The following CEP170 variants were observed in gnomAD, a reference collection of about 807,000 sequenced individuals.
The protein encoded by CEP170 is centrosomal protein 170.
In CEP170, 21 loss-of-function variants were observed where a neutral mutation model predicts 151.9. The ratio of observed to expected loss-of-function variants is 0.14; its 90% CI spans 0.10 to 0.20. The LOEUF is 0.20. Among genes scored for constraint, CEP170 ranks in the 10% least tolerant of loss-of-function variants. CEP170 has a pLI of 1.00. For synonymous variants in CEP170, 356 were observed against 648.8 expected (o/e 0.55, Z 6.86); for missense variants, 964 against 1,892.9 (o/e 0.51, Z 9.11).
intron 17 of CEP170, chr1:243,135,774 C>T (rs2148242756): frequency 6.4e-6 from 1 of 157,268 alleles, no homozygotes; most frequent in East Asian, 1.9e-4. Flanking sequence ...TCTTGGTACT[C>T]ATCAAATGCT....
At chr1:243,189,777 A>G (rs2060189775) in intron 8 of CEP170, among the ~76,000 whole-genome samples, 1 of 152,178 alleles carries the variant, frequency 6.6e-6, no homozygotes, top group Middle Eastern at 3.4e-3. Flanking sequence ...TAGGAGATCA[A>G]TATTATTTAT....
intron 12 of CEP170, chr1:243,166,650 C>T (rs1007153830): frequency 6.6e-6 from 1 of 151,524 alleles, no homozygotes; most frequent in Admixed American, 6.6e-5. Flanking sequence ...TTTCAAGCTG[C>T]ACAAATAAGC....
chr1:243,254,999 G>C (rs996376440), intron 1 of CEP170, 41 bp downstream of exon 1: 17 of 152,320 alleles, frequency 1.1e-4, no homozygotes, highest in Admixed American at 9.1e-4. Flanking sequence ...CGGTGGCTGC[G>C]GCTGCGGCGC....
chr1:243,196,686 T>C (rs372383147), intron 7 of CEP170, among the ~76,000 whole-genome samples: 13 of 152,258 alleles, frequency 8.5e-5, no homozygotes, highest in Admixed American at 2.6e-4. Context: ...AATCACCTAA[T>C]TGGTAAATCT....
chr1:243,166,977 A>G (rs1007121140), intron 12 of CEP170, among the ~76,000 whole-genome samples: 8 of 152,112 alleles, frequency 5.3e-5, no homozygotes, highest in African/African-American at 1.9e-4. Context: ...ATCTGATCTT[A>G]AACCTAAATA....
At chr1:243,227,222 T>C (rs2063369869) in intron 1 of CEP170, among the ~76,000 whole-genome samples, 1 of 151,920 alleles carries the variant, frequency 6.6e-6, no homozygotes, top group African/African-American at 2.4e-5. Flanking sequence ...TCAAGTTTTC[T>C]AAAATTCTAA....
chr1:243,192,164 A>G (rs1225763141), intron 7 of CEP170, among the ~76,000 whole-genome samples: 1 of 152,192 alleles, frequency 6.6e-6, no homozygotes, highest in East Asian at 1.9e-4. Context: ...AGCAGTGTGA[A>G]CGAAATAAGG....
At chr1:243,162,494 T>C (rs2148517495) in intron 13 of CEP170, among the ~76,000 whole-genome samples, 1 of 152,346 alleles carries the variant, frequency 6.6e-6, no homozygotes, top group Middle Eastern at 3.4e-3. Flanking sequence ...GGGAATTTCA[T>C]ACACAATTCA....
intron 7 of CEP170, among the ~76,000 whole-genome samples, chr1:243,197,729 ATGC>A (rs1316447632): frequency 6.6e-6 from 1 of 152,052 alleles, no homozygotes; most frequent in East Asian, 1.9e-4. Context: ...CATTGTTGAG[ATGC>A]TGAAGTAAAC....
Position 243,165,156 on chromosome 1 carries a change from A to G in CEP170, c.2804T>C (p.Val935Ala). ...CAGACTGATTGTACTAGCTGTATCT[A>G]CATCAGATTCTGGTGAAATAGAATT... is the stretch of plus-strand genomic sequence containing the variant. ...RDNSISPESD[V>A]DTASTISLVT... Residue 935 changes from valine to alanine, a missense_variant, in exon 13 of 20, where the codon GTA (valine) becomes GCA (alanine). Transcript: ENST00000366542. 6.2e-7 allele frequency: 1 copy of G among 1,613,630 alleles called. No individual in the cohort carries two copies. The highest frequency in any genetic ancestry group is 8.5e-7 in the Non-Finnish European group (1 of 1,179,678).
intron 14 of CEP170, among the ~76,000 whole-genome samples, chr1:243,145,420 G>C (rs555153454): frequency 1.3e-5 from 2 of 152,132 alleles, no homozygotes; most frequent in Non-Finnish European, 2.9e-5. Flanking sequence ...GATTACAGGC[G>C]TGCACCACCA....
At position 243,156,391 on chromosome 1, in the gene CEP170, T is replaced by C; in HGVS notation, c.3741A>G (p.Ser1247=). ...GGGTATGTTTAGGGGAATTACGGTT[T>C]GATCCAAATTCATCTTCTGAGGTGG... ...YASTSEDEFG[S]NRNSPKHTRL... is the part of the protein sequence containing the mutation. Residue 1247 remains serine, a synonymous_variant, in exon 14 of 20, where the codon TCA becomes TCG. Transcript: ENST00000366542. 1 of 1,557,072 alleles carries C rather than the reference T, an allele frequency of 6.4e-7. No individual in the cohort carries two copies. The highest frequency in any genetic ancestry group is 8.7e-7 in the Non-Finnish European group (1 of 1,149,972).
chr1:243,158,540 G>C (rs1220003626), intron 13 of CEP170, among the ~76,000 whole-genome samples: 1 of 152,140 alleles, frequency 6.6e-6, no homozygotes, highest in Non-Finnish European at 1.5e-5. Context: ...AGCAGAAGGA[G>C]AAATTGAGTA....
At chr1:243,154,178 T>C (rs1438020851) in intron 14 of CEP170, among the ~76,000 whole-genome samples, 1 of 152,274 alleles carries the variant, frequency 6.6e-6, no homozygotes, top group Non-Finnish European at 1.5e-5. Flanking sequence ...TAGTCCTAAA[T>C]TCTAAACAGA....
rs1365026761 is a variant in CEP170 at position 243,185,983 on chromosome 1, G to C, written c.1362C>G (p.Pro454=). 6.8e-6 allele frequency: 11 copies of C among 1,613,638 alleles called. No homozygotes were observed. The South Asian group carries it at 1.2e-4, about 18-fold the overall frequency. Residue 454 remains proline (P), a synonymous_variant, in exon 10 of 20, where the codon CCC becomes CCG. Coordinates refer to ENST00000366542, the MANE Select transcript of CEP170 (RefSeq NM_014812.3). This position sits in a 1 kb window ranked among gnomAD's most constrained non-coding sequence, Gnocchi z 4.9. ...QKSEEPSVSI[P]FLQTALLRSS... is the part of the protein sequence containing the mutation. ...TTCTTAATAATGCAGTTTGTAGGAA[G>C]GGTATTGACACCGATGGCTCCTCTG...
At chr1:243,189,710 T>G (rs896028752) in intron 8 of CEP170, among the ~76,000 whole-genome samples, 2 of 152,012 alleles carry the variant, frequency 1.3e-5, no homozygotes, top group African/African-American at 4.8e-5. Context: ...AAGAGTGGTT[T>G]TAAAAAGTCT....
rs1160804928 is a variant in CEP170, at chr1:243,125,545, C to T, written c.*904G>A. On this transcript the variant is annotated 3_prime_UTR_variant, in exon 20 of 20. Transcript: ENST00000366542. Reference sequence around the variant, plus strand: ...CACATATAAACTTGGTAACACAGGACCAATATACATGTTCTGAGTTTTAAA... The same window carrying T: ...CACATATAAACTTGGTAACACAGGATCAATATACATGTTCTGAGTTTTAAA... The T allele has an allele frequency of 6.6e-6, 1 of 152,546 alleles. No individual in the cohort carries two copies. Among genetic ancestry groups the T allele is most frequent in the Non-Finnish European group, 1.5e-5 (1 of 68,172 alleles). The allele number at this position is 152,546 out of a possible 1,614,324, so 9.4% of individuals were successfully genotyped here.
chr1:243,175,869 T>C (rs2059209019), intron 10 of CEP170, among the ~76,000 whole-genome samples: 1 of 152,206 alleles, frequency 6.6e-6, no homozygotes. Flanking sequence ...CGATCTCGGC[T>C]CACTGCAAGC....
Position 243,185,819 on chromosome 1 carries a change from G to T in CEP170, c.1526C>A (p.Pro509His). Reference protein sequence around the residue: ...KGTYTIELENPNSEEVEARKM... With the variant: ...KGTYTIELENHNSEEVEARKM... ...TCTTGCTTCCACTTCCTCACTGTTG[G>T]GATTCTCTAACTCAATGGTATAAGT... is the stretch of plus-strand genomic sequence containing the variant. Residue 509 changes from proline (P) to histidine (H), a missense_variant, in exon 10 of 20, where the codon CCC becomes CAC. Transcript: ENST00000366542. This position sits in a 1 kb window ranked among gnomAD's most constrained non-coding sequence, Gnocchi z 4.9. The T allele has an allele frequency of 6.2e-7, 1 of 1,600,372 alleles. No homozygotes were observed. The highest frequency in any genetic ancestry group is 1.1e-5 in the South Asian group (1 of 88,678).
Sources: allele counts gnomAD v4.1 joint callset (sites outside exome capture counted in the v4.1 genomes callset), GRCh38; gene constraint gnomAD v4.1.1; non-coding constraint Gnocchi (gnomAD v3.1); transcripts MANE v1.5; gene names NCBI Gene and HGNC (gene_info 2026-07-23, HGNC 2026-07-21).